Variants in LRBA observed in about 807,000 individuals in gnomAD.
LRBA encodes LPS responsive beige-like anchor protein.
LRBA carries 176 observed loss-of-function variants against 330.0 expected under a neutral mutation model. That is an observed-to-expected ratio of 0.53 (90% confidence interval 0.47 to 0.60). The LOEUF (loss-of-function observed/expected upper bound fraction) is 0.60. Ranked by LOEUF, LRBA falls within the 20% of genes least tolerant of loss-of-function variation. The pLI is 0.00. For synonymous variants in LRBA, 1,230 were observed against 1,193.0 expected, an observed-to-expected ratio of 1.03 and a Z score of -0.64; for missense variants, 3,259 against 3,444.8, an observed-to-expected ratio of 0.95 and a Z score of 1.35.
intron 36 of LRBA, among the ~76,000 whole-genome samples, chr4:150,694,694 C>T (rs1237346548): frequency 1.3e-5 from 2 of 151,780 alleles, no homozygotes; most frequent in African/African-American, 4.8e-5. Context: ...CCCCTCCTCC[C>T]TTCCCCCCAT....
intron 36 of LRBA, among the ~76,000 whole-genome samples, chr4:150,686,710 T>G (rs1041061853): frequency 2.6e-5 from 4 of 152,140 alleles, no homozygotes; most frequent in Admixed American, 6.5e-5. Flanking sequence ...CTGATGAGAT[T>G]TAGAAAATCA....
At chr4:150,973,467 T>G (rs529231657) in intron 2 of LRBA, among the ~76,000 whole-genome samples, 119 of 152,296 alleles carry the variant, frequency 7.8e-4, no homozygotes, top group Non-Finnish European at 1.2e-3. Context: ...ATGCTTGGCC[T>G]AAAATTAAAA....
chr4:150,515,494 T>C (rs1039111456), intron 40 of LRBA, among the ~76,000 whole-genome samples: 3 of 152,148 alleles, frequency 2.0e-5, no homozygotes, highest in Admixed American at 6.5e-5. Context: ...CCTCAGATGC[T>C]TGTCTTAAAT....
chr4:150,386,556 T>C (rs1297758452), intron 47 of LRBA, among the ~76,000 whole-genome samples: 3 of 152,022 alleles, frequency 2.0e-5, no homozygotes, highest in Non-Finnish European at 4.4e-5. Flanking sequence ...CTGAGGATAA[T>C]GGCCTCCAGC....
chr4:150,519,330 AT>A (rs1433313193), intron 40 of LRBA, among the ~76,000 whole-genome samples: 2 of 152,160 alleles, frequency 1.3e-5, no homozygotes, highest in East Asian at 3.9e-4. Context: ...ATAATATAAT[AT>A]TTCCATCATC....
intron 47 of LRBA, among the ~76,000 whole-genome samples, chr4:150,394,372 G>A (rs951562724): frequency 6.6e-6 from 1 of 152,184 alleles, no homozygotes; most frequent in Admixed American, 6.6e-5. Flanking sequence ...TATGAAAAGT[G>A]TAAAATATGT....
At chr4:150,464,263 T>C (rs1197277152) in intron 44 of LRBA, among the ~76,000 whole-genome samples, 1 of 152,128 alleles carries the variant, frequency 6.6e-6, no homozygotes, top group African/African-American at 2.4e-5. Flanking sequence ...CGTATTCATA[T>C]ATATGTCATT....
chr4:150,532,799 G>C (rs1379703013), intron 40 of LRBA, among the ~76,000 whole-genome samples: 1 of 151,690 alleles, frequency 6.6e-6, no homozygotes, highest in African/African-American at 2.4e-5. Flanking sequence ...TTAGACTAGA[G>C]TTTTCAAAAG....
chr4:150,335,057 T>C (rs1209912231), intron 48 of LRBA, among the ~76,000 whole-genome samples: 1 of 152,006 alleles, frequency 6.6e-6, no homozygotes, highest in East Asian at 1.9e-4. Flanking sequence ...CTCAAACTCC[T>C]GACTTCAGGT....
chr4:150,844,238 T>TGA, intron 27 of LRBA, 31 bp from the exon 28 acceptor site: 5 of 999,758 alleles, frequency 5.0e-6, no homozygotes, highest in Non-Finnish European at 7.6e-6. Context: ...ATTGTATATA[T>TGA]ATATATTCAT....
intron 47 of LRBA, among the ~76,000 whole-genome samples, chr4:150,381,952 A>G (rs1466578515): frequency 6.6e-6 from 1 of 152,140 alleles, no homozygotes; most frequent in Non-Finnish European, 1.5e-5. Flanking sequence ...CCATTCAGAT[A>G]TCTTCTTGGG....
intron 2 of LRBA, among the ~76,000 whole-genome samples, chr4:150,994,429 T>C (rs1239990515): frequency 6.6e-6 from 1 of 152,210 alleles, no homozygotes; most frequent in Non-Finnish European, 1.5e-5. Flanking sequence ...CAGTCATCCA[T>C]CCAACATGTA....
chr4:150,945,645 T>G (rs1007989179), intron 2 of LRBA, among the ~76,000 whole-genome samples: 1 of 152,174 alleles, frequency 6.6e-6, no homozygotes. Context: ...ATCAAGTATA[T>G]TAACATCATA....
chr4:150,692,233 T>C (rs969931185), intron 36 of LRBA, among the ~76,000 whole-genome samples: 4 of 151,590 alleles, frequency 2.6e-5, no homozygotes, highest in Non-Finnish European at 5.9e-5. Context: ...TTTGTTTGTT[T>C]TTTCAGGCAG....
chr4:150,465,486 G>A (rs757835686), intron 44 of LRBA, among the ~76,000 whole-genome samples: 3 of 152,042 alleles, frequency 2.0e-5, no homozygotes, highest in Non-Finnish European at 4.4e-5. Context: ...GCATGCACAA[G>A]GGTTCCAATT....
chr4:150,489,151 C>A (rs192920974), intron 41 of LRBA, among the ~76,000 whole-genome samples: 6,837 of 22,762 alleles, frequency 0.3, 608 homozygotes, highest in East Asian at 0.5. Context: ...TATAATATAT[C>A]AGAATATATA....
chr4:150,596,434 GT>G (rs1373054428), intron 38 of LRBA, among the ~76,000 whole-genome samples: 2 of 151,730 alleles, frequency 1.3e-5, no homozygotes, highest in African/African-American at 4.8e-5. Context: ...TGATAATATA[GT>G]TCATGGTGTT....
chr4:150,793,361 C>T (rs1249890340), intron 34 of LRBA, among the ~76,000 whole-genome samples: 1 of 152,034 alleles, frequency 6.6e-6, no homozygotes, highest in East Asian at 1.9e-4. Flanking sequence ...AGGCCCTGCT[C>T]ATAAATGAAC....
chr4:150,775,979 T>C (rs559356802), intron 34 of LRBA, among the ~76,000 whole-genome samples: 2 of 152,110 alleles, frequency 1.3e-5, no homozygotes, highest in South Asian at 4.2e-4. Context: ...CATAGTACAT[T>C]TTTTAGCTCT....
Sources: gnomAD v4.1 joint callset for allele counts (sites outside exome capture counted in the v4.1 genomes callset) on GRCh38, gnomAD v4.1.1 for gene constraint, MANE v1.5 for transcripts, NCBI Gene and HGNC (gene_info 2026-07-23, HGNC 2026-07-21) for gene names.